Variants in WDR33 observed in about 807,000 individuals in gnomAD.
The protein encoded by WDR33 is pre-mRNA 3' end processing protein WDR33.
In WDR33, 47 loss-of-function variants were observed where a neutral mutation model predicts 164.9. The ratio of observed to expected loss-of-function variants is 0.29; its 90% CI spans 0.23 to 0.36. The LOEUF is 0.36. Among genes scored for constraint, WDR33 ranks in the 10% least tolerant of loss-of-function variants. WDR33 has a pLI of 1.00. For synonymous variants in WDR33, 505 were observed against 589.0 expected (o/e 0.86, Z 2.06); for missense variants, 1,137 against 1,754.1 (o/e 0.65, Z 6.28).
Position 127,721,817 on chromosome 2 carries a change from C to T in WDR33, c.1671+19G>A, listed in dbSNP as rs114008937. ...CCTCTTAGATCATCTTGAATTCCCC[C>T]CTACAGAGCTTCACACACCTCCAGA... On this transcript the variant is annotated intron_variant, in intron 15 of 21. Transcript: ENST00000322313. The surrounding 1 kb of genome is among the most constrained non-coding windows in gnomAD (Gnocchi z 4.9). 4.2e-3 allele frequency: 6,718 copies of T among 1,596,618 alleles called. 240 individuals carry two copies. The African/African-American group carries it at 0.075, about 18-fold the overall frequency.
Position 127,701,462 on chromosome 2 carries a change from C to G in WDR33, c.*4861G>C. On this transcript the variant is annotated 3_prime_UTR_variant, in exon 22 of 22. Transcript: ENST00000322313. ...CGCCGACCAATTGCCGCCCGAAGAC[C>G]GAACCGCTTCAGCGGAGGGCCGGAA... 8.1e-7 allele frequency: 1 copy of G among 1,236,134 alleles called. No individual in the cohort carries two copies. Among genetic ancestry groups the G allele is most frequent in the Non-Finnish European group, 1.0e-6 (1 of 985,864 alleles). 76.6% of individuals were successfully genotyped at this position (1,236,134 alleles called of 1,614,324 possible). A position where few individuals can be genotyped will look rare whatever the true frequency, so the allele number is the denominator to read the frequency against.
intron 7 of WDR33, 101 bp downstream of exon 7, chr2:127,762,961 A>C: frequency 6.4e-7 from 1 of 1,560,900 alleles, no homozygotes; most frequent in South Asian, 1.2e-5. Context: ...ATGTAAAAAA[A>C]ATTGAATGGA....
At chr2:127,733,724 C>CA (rs1321418411) in intron 7 of WDR33, among the ~76,000 whole-genome samples, 10 of 151,628 alleles carry the variant, frequency 6.6e-5, no homozygotes, top group South Asian at 2.1e-4. Flanking sequence ...AAACAAAAAA[C>CA]AAAAAAACCC....
chr2:127,729,076 C>CAAATAT (rs1686639292), intron 7 of WDR33, among the ~76,000 whole-genome samples: 4 of 152,356 alleles, frequency 2.6e-5, no homozygotes, highest in Admixed American at 2.6e-4. Flanking sequence ...ATACACATCT[C>CAAATAT]AAATATAAAT....
At position 127,763,559 on chromosome 2, in the gene WDR33, C is replaced by A; in HGVS notation, c.627-400G>T. Reference sequence around the variant, plus strand: ...CGAATACTGCTCCCAAAATTATCATCAGCTTCTGCCTCAGACACTTCATGA... The same window carrying A: ...CGAATACTGCTCCCAAAATTATCATAAGCTTCTGCCTCAGACACTTCATGA... On this transcript the variant is annotated intron_variant, in intron 6 of 21. Transcript: ENST00000322313. This position sits in a 1 kb window ranked among gnomAD's most constrained non-coding sequence, Gnocchi z 4.5. The A allele has an allele frequency of 9.9e-7, 1 of 1,013,906 alleles. No individual in the cohort carries two copies. The allele number at this position is 1,013,906 out of a possible 1,614,324, so 62.8% of individuals were successfully genotyped here. A position where few individuals can be genotyped will look rare whatever the true frequency, so the allele number is the denominator to read the frequency against.
At chr2:127,737,505 T>A (rs947417616) in intron 7 of WDR33, 20 of 985,782 alleles carry the variant, frequency 2.0e-5, no homozygotes, top group Non-Finnish European at 6.0e-6. Flanking sequence ...GCTAGAAAAG[T>A]GCAAAAAGAA....
chr2:127,791,759 C>CAAG (rs1688851795), intron 1 of WDR33, among the ~76,000 whole-genome samples: 1 of 152,176 alleles, frequency 6.6e-6, no homozygotes, highest in Non-Finnish European at 1.5e-5. Flanking sequence ...TCATCAGTGA[C>CAAG]ATTCTTAAGT....
intron 7 of WDR33, among the ~76,000 whole-genome samples, chr2:127,750,238 G>C (rs190253419): frequency 1.3e-5 from 2 of 152,142 alleles, no homozygotes; most frequent in East Asian, 3.9e-4. Context: ...ATGTTGCCAA[G>C]GCTGGTCTCA....
At position 127,706,781 on chromosome 2, in the gene WDR33, C is replaced by G. The variant is rs559779350; in HGVS notation, c.3782-229G>C. On this transcript the variant is annotated intron_variant, in intron 21 of 21. Coordinates refer to ENST00000322313, the MANE Select transcript of WDR33 (RefSeq NM_018383.5). This position sits in a 1 kb window ranked among gnomAD's most constrained non-coding sequence, Gnocchi z 5.1. ...CTCAGCATCAGCCAGATCCATGCCC[C>G]CAGGGCTGTGTGACAGACGACAGGA... Among the ~76,000 whole-genome samples the G allele has an allele frequency of 6.6e-6, 1 of 152,342 alleles. No homozygotes were observed. Among genetic ancestry groups the G allele is most frequent in the South Asian group, 2.1e-4 (1 of 4,832 alleles).
intron 7 of WDR33, among the ~76,000 whole-genome samples, chr2:127,750,704 A>G (rs1164235347): frequency 4.7e-5 from 3 of 63,834 alleles, no homozygotes; most frequent in African/African-American, 1.7e-4. Context: ...ATATATATAT[A>G]TATATATATG....
At chr2:127,711,780 A>ATATATATATATATATATATATT in intron 18 of WDR33, among the ~76,000 whole-genome samples, 12 of 88,296 alleles carry the variant, frequency 1.4e-4, no homozygotes, top group African/African-American at 1.9e-4. Flanking sequence ...ATATATATAT[A>ATATATATATATATATATATATT]TTTTTTTTTT....
rs1048102996 is a variant in WDR33, at chr2:127,721,098, GTTTT to G, written c.1671+734_1671+737del. ...ATCTACTCACTGCCCCACTAATTCA[GTTTT>G]TTTATGTTGTTGTTGTTGTTTTTGA... On this transcript the variant is annotated intron_variant, in intron 15 of 21. Coordinates refer to ENST00000322313, the MANE Select transcript of WDR33 (RefSeq NM_018383.5). The surrounding 1 kb of genome is among the most constrained non-coding windows in gnomAD (Gnocchi z 4.9). Among the ~76,000 whole-genome samples, 5 of 152,080 alleles carry G rather than the reference GTTTT, an allele frequency of 3.3e-5. No individual in the cohort carries two copies. The highest frequency in any genetic ancestry group is 6.6e-5 in the Admixed American group (1 of 15,258).
chr2:127,784,000 A>G (rs199806154), intron 1 of WDR33, among the ~76,000 whole-genome samples: 2 of 149,436 alleles, frequency 1.3e-5, no homozygotes, highest in East Asian at 2.0e-4. Flanking sequence ...AAAAAAAAAA[A>G]GTTTTTAAAA....
At position 127,715,000 on chromosome 2, in the gene WDR33, A is replaced by G. The variant is rs1036467627; in HGVS notation, c.2870-979T>C. Among the ~76,000 whole-genome samples, 5 of 152,168 alleles carry G rather than the reference A, an allele frequency of 3.3e-5. No individual in the cohort carries two copies. Among genetic ancestry groups the G allele is most frequent in the Middle Eastern group, 3.4e-3 (1 of 294 alleles). On this transcript the variant is annotated intron_variant, in intron 17 of 21. Coordinates refer to ENST00000322313, the MANE Select transcript of WDR33 (RefSeq NM_018383.5). This position sits in a 1 kb window ranked among gnomAD's most constrained non-coding sequence, Gnocchi z 4.3. ...CCTTTTACTGCTTTTCCCTGGCTATAAAGACAAACCCCTCCTGTACCCCAG... is the reference window on the plus strand; with the variant it reads ...CCTTTTACTGCTTTTCCCTGGCTATGAAGACAAACCCCTCCTGTACCCCAG...
At chr2:127,800,401 G>A (rs1689191573) in intron 1 of WDR33, among the ~76,000 whole-genome samples, 1 of 152,106 alleles carries the variant, frequency 6.6e-6, no homozygotes, top group Non-Finnish European at 1.5e-5. Flanking sequence ...TTGGGAGGCC[G>A]CGGCAGGCGG....
chr2:127,752,710 A>G (rs1381349752), intron 7 of WDR33, among the ~76,000 whole-genome samples: 1 of 152,102 alleles, frequency 6.6e-6, no homozygotes, highest in Non-Finnish European at 1.5e-5. Flanking sequence ...CCTGGTTGAT[A>G]TGGTATTTCA....
At chr2:127,752,253 C>T (rs1361572921) in intron 7 of WDR33, among the ~76,000 whole-genome samples, 1 of 152,128 alleles carries the variant, frequency 6.6e-6, no homozygotes, top group Non-Finnish European at 1.5e-5. Context: ...CAGGATAAAA[C>T]CTGTTCTTAC....
At chr2:127,760,304 A>G (rs1009501622) in intron 7 of WDR33, among the ~76,000 whole-genome samples, 4 of 152,232 alleles carry the variant, frequency 2.6e-5, no homozygotes, top group Non-Finnish European at 5.9e-5. Context: ...GACTTGATAC[A>G]CAACACTAAC....
chr2:127,709,925 G>T lies in WDR33; in HGVS notation c.3309-69C>A. ...TGCCACTCTAAGTTCATGTTTCAAAGAAGCATATGATATGAGAAAGCATGA... is the reference window on the plus strand; with the variant it reads ...TGCCACTCTAAGTTCATGTTTCAAATAAGCATATGATATGAGAAAGCATGA... On this transcript the variant is annotated intron_variant, in intron 18 of 21. Transcript: ENST00000322313. The surrounding 1 kb of genome is among the most constrained non-coding windows in gnomAD (Gnocchi z 5.0). 6.5e-7 allele frequency: 1 copy of T among 1,546,860 alleles called. No individual in the cohort carries two copies. The highest frequency in any genetic ancestry group is 2.3e-5 in the East Asian group (1 of 44,444).
Sources: allele counts gnomAD v4.1 joint callset (sites outside exome capture counted in the v4.1 genomes callset), GRCh38; gene constraint gnomAD v4.1.1; non-coding constraint Gnocchi (gnomAD v3.1); transcripts MANE v1.5; gene names NCBI Gene and HGNC (gene_info 2026-07-23, HGNC 2026-07-21).